Variants in AFG2A observed in about 807,000 individuals in gnomAD.
AFG2A encodes ATPase family gene 2 protein homolog A.
the AFG2A span, among the ~76,000 whole-genome samples, chr4:123,269,978 G>A: frequency 3.3e-5 from 5 of 152,138 alleles, no homozygotes; most frequent in African/African-American, 4.8e-5. Context: ...CACCACGCCC[G>A]GCTAATTATT....
At chr4:123,230,465 C>T in the AFG2A span, among the ~76,000 whole-genome samples, 1 of 151,994 alleles carries the variant, frequency 6.6e-6, no homozygotes, top group Non-Finnish European at 1.5e-5. Context: ...AATCCTAGTT[C>T]TATTCCTATT....
chr4:123,118,326 TATAATA>T, the AFG2A span, among the ~76,000 whole-genome samples: 1 of 93,956 alleles, frequency 1.1e-5, no homozygotes, highest in African/African-American at 3.0e-5. Context: ...ATATATTATA[TATAATA>T]TATATATTAT....
At chr4:123,027,004 T>A in the AFG2A span, among the ~76,000 whole-genome samples, 2 of 152,218 alleles carry the variant, frequency 1.3e-5, no homozygotes, top group Admixed American at 1.3e-4. Flanking sequence ...CCTCTCCAAA[T>A]GTAGCTTTAA....
chr4:123,262,872 C>A, the AFG2A span, among the ~76,000 whole-genome samples: 2 of 152,266 alleles, frequency 1.3e-5, no homozygotes, highest in Non-Finnish European at 2.9e-5. Flanking sequence ...AGGAGTAACT[C>A]ACACTACCTG....
the AFG2A span, among the ~76,000 whole-genome samples, chr4:123,084,614 G>GTGTGTGTGTGTGTGTGTA: frequency 6.7e-6 from 1 of 148,580 alleles, no homozygotes; most frequent in Non-Finnish European, 1.5e-5. Context: ...GTGTGTGTGT[G>GTGTGTGTGTGTGTGTGTA]TATATATATA....
chr4:122,939,297 G>T, the AFG2A span, among the ~76,000 whole-genome samples: 1 of 151,662 alleles, frequency 6.6e-6, no homozygotes, highest in Non-Finnish European at 1.5e-5. Context: ...GTTCAGGCTG[G>T]TCTCGAGCTC....
chr4:123,124,153 A>T, the AFG2A span, among the ~76,000 whole-genome samples: 2 of 152,068 alleles, frequency 1.3e-5, no homozygotes, highest in Admixed American at 6.6e-5. Context: ...TACCCAAACG[A>T]TTATAAATCA....
At chr4:123,004,904 A>C in the AFG2A span, among the ~76,000 whole-genome samples, 1 of 152,176 alleles carries the variant, frequency 6.6e-6, no homozygotes, top group Non-Finnish European at 1.5e-5. Context: ...ATCTAGGACT[A>C]TTCAGATTAT....
At chr4:123,254,892 C>T in the AFG2A span, among the ~76,000 whole-genome samples, 5 of 152,280 alleles carry the variant, frequency 3.3e-5, no homozygotes, top group East Asian at 5.8e-4. Context: ...TTTATTAGAA[C>T]TCTGCTATTT....
chr4:122,932,445 A>C, the AFG2A span, among the ~76,000 whole-genome samples: 1 of 151,972 alleles, frequency 6.6e-6, no homozygotes, highest in Non-Finnish European at 1.5e-5. Context: ...CACCCACCTC[A>C]GCCTCCCAAA....
At chr4:123,203,432 C>T in the AFG2A span, among the ~76,000 whole-genome samples, 1 of 152,180 alleles carries the variant, frequency 6.6e-6, no homozygotes, top group Non-Finnish European at 1.5e-5. Flanking sequence ...AAGTGATTCT[C>T]CTGCCTCAGC....
chr4:123,199,607 G>A, the AFG2A span, among the ~76,000 whole-genome samples: 7 of 151,800 alleles, frequency 4.6e-5, no homozygotes, highest in African/African-American at 1.7e-4. Context: ...GAGTAGCTGG[G>A]ACTACAGGCA....
the AFG2A span, among the ~76,000 whole-genome samples, chr4:123,172,775 A>G: frequency 2.0e-5 from 3 of 152,170 alleles, no homozygotes; most frequent in South Asian, 6.2e-4. Flanking sequence ...TGGGACTACT[A>G]TATAGGAACA....
chr4:123,100,139 T>C, the AFG2A span, among the ~76,000 whole-genome samples: 2 of 151,790 alleles, frequency 1.3e-5, no homozygotes, highest in South Asian at 4.2e-4. Context: ...CTGACACCTG[T>C]TGTAAAATCC....
the AFG2A span, among the ~76,000 whole-genome samples, chr4:123,196,160 C>T: frequency 1.5e-3 from 161 of 104,336 alleles, no homozygotes; most frequent in Non-Finnish European, 2.9e-3. Flanking sequence ...ACCACCATGC[C>T]CAGCTAATTT....
At chr4:122,931,215 G>A in the AFG2A span, among the ~76,000 whole-genome samples, 47 of 152,074 alleles carry the variant, frequency 3.1e-4, no homozygotes, top group Non-Finnish European at 1.5e-4. Context: ...ACTTGGTTTA[G>A]AGTTCCATAA....
chr4:122,923,223 T>C, the AFG2A span: 1 of 1,614,202 alleles, frequency 6.2e-7, no homozygotes. Context: ...CTTCCTCTTG[T>C]GCGGAGGCAC....
chr4:123,164,703 C>G, the AFG2A span, among the ~76,000 whole-genome samples: 1 of 152,086 alleles, frequency 6.6e-6, no homozygotes, highest in African/African-American at 2.4e-5. Flanking sequence ...TACTTTATTA[C>G]TTTTTTTGGT....
chr4:123,046,771 AT>A, the AFG2A span, among the ~76,000 whole-genome samples: 5 of 151,724 alleles, frequency 3.3e-5, no homozygotes, highest in East Asian at 1.9e-4. Context: ...CCATTAGCCA[AT>A]TTTTTTTCAT....
Sources: allele counts gnomAD v4.1 joint callset (sites outside exome capture counted in the v4.1 genomes callset), GRCh38; gene constraint gnomAD v4.1.1; transcripts MANE v1.5; gene names NCBI Gene and HGNC (gene_info 2026-07-23, HGNC 2026-07-21).